TMEM229B: variants seen among roughly 807,000 people sequenced by gnomAD.
TMEM229B encodes the protein transmembrane protein 229B.
Under a neutral mutation model 13.7 loss-of-function variants are expected in TMEM229B, and 6 were observed. The observed-to-expected ratio is 0.44, with a 90% CI of 0.24 to 0.86. TMEM229B has a LOEUF of 0.86. Among genes scored for constraint, TMEM229B ranks in the 40% least tolerant of loss-of-function variants. The probability of loss-of-function intolerance (pLI) is 0.23; values close to 1 mark genes in which losing one functional copy is unlikely to be tolerated. For synonymous variants in TMEM229B, 107 were observed against 102.1 expected (o/e 1.05, Z -0.29); for missense variants, 170 against 236.0 (o/e 0.72, Z 1.83).
chr14:67,493,940 A>G (rs1184275392), intron 1 of TMEM229B, among the ~76,000 whole-genome samples: 3 of 152,120 alleles, frequency 2.0e-5, no homozygotes, highest in Non-Finnish European at 4.4e-5. Context: ...GTTCTGGGGA[A>G]TCTGTGACAG....
At chr14:67,496,580 C>T (rs1594700993) in intron 1 of TMEM229B, among the ~76,000 whole-genome samples, 2 of 151,640 alleles carry the variant, frequency 1.3e-5, no homozygotes, top group South Asian at 4.2e-4. Context: ...GAGAAGTAGA[C>T]GTGAGAGAGG....
chr14:67,507,055 C>T (rs1430118826), intron 1 of TMEM229B, among the ~76,000 whole-genome samples: 1 of 152,032 alleles, frequency 6.6e-6, no homozygotes, highest in African/African-American at 2.4e-5. Flanking sequence ...AGCCATAGCC[C>T]AATTCCATGA....
Position 67,529,205 on chromosome 14 carries a change from C to G in TMEM229B, c.-192+4431G>C, listed in dbSNP as rs182710395. 2.1e-3 allele frequency among the ~76,000 whole-genome samples: 324 copies of G among 152,268 alleles called. 1 individual carries two copies. Among genetic ancestry groups the G allele is most frequent in the African/African-American group, 7.5e-3 (312 of 41,550 alleles). On this transcript the variant is annotated intron_variant, in intron 1 of 2. Transcript: ENST00000554278. ...ATTCCTGATTTACAAACGAGGAACA[C>G]CTTCCCTCCCCTCCCCATCCGCTGC...
intron 1 of TMEM229B, among the ~76,000 whole-genome samples, chr14:67,503,705 T>A (rs2032701137): frequency 1.3e-5 from 2 of 152,126 alleles, no homozygotes; most frequent in African/African-American, 4.8e-5. Context: ...ATTTTTATTT[T>A]TTATTTATTT....
chr14:67,519,249 A>C (rs892662375), upstream of TMEM229B, among the ~76,000 whole-genome samples: 1 of 152,256 alleles, frequency 6.6e-6, no homozygotes, highest in Non-Finnish European at 1.5e-5. Context: ...AACTTTAGCT[A>C]TCTTAAGTCT....
At chr14:67,528,588 G>C (rs2033401584) in intron 1 of TMEM229B, among the ~76,000 whole-genome samples, 1 of 152,168 alleles carries the variant, frequency 6.6e-6, no homozygotes, top group African/African-American at 2.4e-5. Flanking sequence ...CAGTCAGATG[G>C]CTGGATTTAC....
intron 1 of TMEM229B, among the ~76,000 whole-genome samples, chr14:67,531,145 G>T (rs528906501): frequency 1.2e-3 from 176 of 152,296 alleles, no homozygotes; most frequent in Non-Finnish European, 2.2e-3. Context: ...CTCTAGGGGT[G>T]ATGGTGGGTA....
At position 67,494,902 on chromosome 14, in the gene TMEM229B, A is replaced by G. The variant is rs1037900334; in HGVS notation, c.-191-7730T>C. 5.3e-5 allele frequency among the ~76,000 whole-genome samples: 8 copies of G among 152,206 alleles called. 1 individual carries two copies. The highest frequency in any genetic ancestry group is 1.4e-4 in the African/African-American group (6 of 41,458). On this transcript the variant is annotated intron_variant, in intron 1 of 2. Transcript: ENST00000357461. ...TGAGGTGGGAAGATTGCTTGAAGTTAGGAGTTTGAGACCAGTCTGGGCAAC... is the reference window on the plus strand; with the variant it reads ...TGAGGTGGGAAGATTGCTTGAAGTTGGGAGTTTGAGACCAGTCTGGGCAAC...
chr14:67,492,685 T>C (rs550287003), upstream of TMEM229B, among the ~76,000 whole-genome samples: 1 of 152,340 alleles, frequency 6.6e-6, no homozygotes, highest in East Asian at 1.9e-4. Flanking sequence ...ACTCCGCTTT[T>C]CACAGCCTGT....
At position 67,527,495 on chromosome 14, in the gene TMEM229B, T is replaced by C. The variant is rs147612030; in HGVS notation, c.-192+6141A>G. On this transcript the variant is annotated intron_variant, in intron 1 of 2. Coordinates refer to the TMEM229B transcript ENST00000554278. ...AGTGGGTCAGGAACAAAGTCAGCCC[T>C]CAATAAATATGGCTTTAAATGTTTC... is the stretch of plus-strand genomic sequence containing the variant. 7.3e-3 allele frequency among the ~76,000 whole-genome samples: 1,115 copies of C among 152,310 alleles called. 19 individuals carry two copies. Among genetic ancestry groups the C allele is most frequent in the African/African-American group, 0.025 (1,047 of 41,564 alleles).
intron 1 of TMEM229B, among the ~76,000 whole-genome samples, chr14:67,521,450 G>A (rs1256653519): frequency 6.6e-6 from 1 of 152,180 alleles, no homozygotes; most frequent in Non-Finnish European, 1.5e-5. Context: ...GAAGATTTTG[G>A]TATCCATATG....
upstream of TMEM229B, among the ~76,000 whole-genome samples, chr14:67,519,100 G>C (rs73272306): frequency 7.0e-3 from 1,067 of 152,240 alleles, 11 homozygotes; most frequent in African/African-American, 0.025. Context: ...AAGAGGTCAA[G>C]GTAATATGCC....
At chr14:67,482,339 GC>G (rs1455957935) in intron 2 of TMEM229B, among the ~76,000 whole-genome samples, 1 of 152,204 alleles carries the variant, frequency 6.6e-6, no homozygotes, top group African/African-American at 2.4e-5. Flanking sequence ...TGGAATAACT[GC>G]CCTTGGTTTT....
chr14:67,525,961 G>C (rs539526198), intron 1 of TMEM229B, among the ~76,000 whole-genome samples: 1 of 152,298 alleles, frequency 6.6e-6, no homozygotes, highest in East Asian at 1.9e-4. Flanking sequence ...AGAAACAGCA[G>C]CCCCGTGTCA....
intron 1 of TMEM229B, among the ~76,000 whole-genome samples, chr14:67,506,442 T>A (rs1373265507): frequency 1.3e-5 from 2 of 152,142 alleles, no homozygotes; most frequent in African/African-American, 2.4e-5. Context: ...TTTACACTCA[T>A]TAGAAACATA....
upstream of TMEM229B, among the ~76,000 whole-genome samples, chr14:67,489,914 T>C (rs534964663): frequency 2.6e-5 from 4 of 151,274 alleles, no homozygotes; most frequent in South Asian, 2.1e-4. Context: ...GGCGTGAACC[T>C]GGGAGGCAGA....
intron 1 of TMEM229B, among the ~76,000 whole-genome samples, chr14:67,509,663 C>T (rs1449977808): frequency 6.6e-6 from 1 of 152,096 alleles, no homozygotes; most frequent in East Asian, 1.9e-4. Flanking sequence ...CCACTTTTAC[C>T]CTCTCCCCAA....
In TMEM229B at chr14:67,473,142, G is replaced by A; in HGVS notation, c.*278C>T. On this transcript the variant is annotated 3_prime_UTR_variant, in exon 3 of 3. Transcript: ENST00000554480. This position sits in a 1 kb window ranked among gnomAD's most constrained non-coding sequence, Gnocchi z 6.5. ...AAAGTCAACTACATAGTCCATCGCT[G>A]CTCAGCCACAGGCCTCCTGGTACCA... 2.1e-6 allele frequency: 1 copy of A among 470,376 alleles called. No homozygotes were observed. The highest frequency in any genetic ancestry group is 3.9e-6 in the Non-Finnish European group (1 of 257,084). 29.1% of individuals were successfully genotyped at this position (470,376 alleles called of 1,614,324 possible). A position where few individuals can be genotyped will look rare whatever the true frequency, so the allele number is the denominator to read the frequency against.
intron 1 of TMEM229B, among the ~76,000 whole-genome samples, chr14:67,514,310 GA>G (rs1488494097): frequency 6.6e-6 from 1 of 152,152 alleles, no homozygotes; most frequent in Non-Finnish European, 1.5e-5. Context: ...ACTGAGCATA[GA>G]AAGAGGGAAA....
Sources: gnomAD v4.1 joint callset for allele counts (sites outside exome capture counted in the v4.1 genomes callset) on GRCh38, gnomAD v4.1.1 for gene constraint, Gnocchi (gnomAD v3.1) non-coding constraint, MANE v1.5 for transcripts, NCBI Gene and HGNC (gene_info 2026-07-23, HGNC 2026-07-21) for gene names.